DENND4C: variants seen among roughly 807,000 people sequenced by gnomAD.
DENND4C encodes the protein DENN domain containing 4C, also known as DENN domain-containing protein 4C.
DENND4C carries 108 observed loss-of-function variants against 203.0 expected under a neutral mutation model. The observed-to-expected ratio is 0.53, with a 90% CI of 0.46 to 0.62. The LOEUF (loss-of-function observed/expected upper bound fraction) is 0.62. DENND4C is among the 20% of genes least tolerant of loss of function. DENND4C has a pLI of 0.00. For synonymous variants in DENND4C, 871 were observed against 792.4 expected (o/e 1.10, Z -1.67); for missense variants, 2,481 against 2,301.2 (o/e 1.08, Z -1.60).
intron 30 of DENND4C, 82 bp downstream of exon 30, chr9:19,362,045 T>G (rs541050860): frequency 3.5e-5 from 27 of 764,404 alleles, no homozygotes; most frequent in African/African-American, 2.7e-4. Context: ...AGGCCTAGGC[T>G]GGCGGACCAC....
At chr9:19,250,537 TAACTC>T (rs1005995214) in intron 1 of DENND4C, among the ~76,000 whole-genome samples, 14 of 152,160 alleles carry the variant, frequency 9.2e-5, no homozygotes, top group African/African-American at 3.4e-4. Context: ...CCCAAAGTCT[TAACTC>T]ATTTTGACAT....
intron 1 of DENND4C, among the ~76,000 whole-genome samples, chr9:19,238,138 A>C (rs1429888195): frequency 6.7e-6 from 1 of 150,222 alleles, no homozygotes; most frequent in African/African-American, 2.5e-5. Flanking sequence ...GCTGGAGTGC[A>C]ATGGCGTGAT....
chr9:19,274,244 A>G (rs937172256), intron 1 of DENND4C, among the ~76,000 whole-genome samples: 5 of 152,008 alleles, frequency 3.3e-5, no homozygotes, highest in African/African-American at 1.2e-4. Flanking sequence ...TTGCCTGAGG[A>G]GGAGAAATAA....
chr9:19,306,561 T>C (rs545322231), intron 10 of DENND4C, among the ~76,000 whole-genome samples: 1 of 152,230 alleles, frequency 6.6e-6, no homozygotes, highest in East Asian at 1.9e-4. Flanking sequence ...AATGTATTCA[T>C]TGTGGTACTT....
At chr9:19,280,697 C>CT (rs35432447) in intron 2 of DENND4C, among the ~76,000 whole-genome samples, 43,809 of 148,020 alleles carry the variant, frequency 0.3, 6,473 homozygotes, top group East Asian at 0.44. Context: ...TTTTAGGCAT[C>CT]TTTTTTTTTT....
chr9:19,264,376 G>A (rs571002418), intron 1 of DENND4C, among the ~76,000 whole-genome samples: 4 of 151,698 alleles, frequency 2.6e-5, no homozygotes, highest in South Asian at 4.2e-4. Flanking sequence ...GCGCAATTTC[G>A]GCTCACTACA....
At chr9:19,369,183 A>G (rs1280361109) in intron 30 of DENND4C, among the ~76,000 whole-genome samples, 1 of 152,136 alleles carries the variant, frequency 6.6e-6, no homozygotes, top group East Asian at 1.9e-4. Context: ...AAAAAAAGTT[A>G]TGTACTAGAC....
At chr9:19,353,681 C>A (rs1420134988) in intron 26 of DENND4C, among the ~76,000 whole-genome samples, 1 of 151,758 alleles carries the variant, frequency 6.6e-6, no homozygotes, top group Non-Finnish European at 1.5e-5. Context: ...GCCTGTAATC[C>A]CAGTACTTTG....
intron 23 of DENND4C, among the ~76,000 whole-genome samples, 177 bp downstream of exon 23, chr9:19,347,263 T>G (rs1227087377): frequency 6.6e-6 from 1 of 152,216 alleles, no homozygotes; most frequent in East Asian, 1.9e-4. Context: ...CCTGAGTAGT[T>G]GGGTCTATAG....
At chr9:19,371,970 A>C in intron 32 of DENND4C, 67 bp from the exon 33 acceptor site, 3 of 1,519,360 alleles carry the variant, frequency 2.0e-6, no homozygotes, top group Non-Finnish European at 2.7e-6. Flanking sequence ...ACTCAATACC[A>C]ATTTGAAATG....
chr9:19,332,076 T>G lies in DENND4C; in HGVS notation c.2352T>G (p.Ile784Met). 2 of 1,614,130 alleles carry G rather than the reference T, an allele frequency of 1.2e-6. No individual in the cohort carries two copies. Among genetic ancestry groups the G allele is most frequent in the Non-Finnish European group, 1.7e-6 (2 of 1,179,996 alleles). ...GTCATTGTTACAGTTTATGGTTTATTTGTCTTCCGGCCTATGTTAGAGTTT... is the reference window on the plus strand; with the variant it reads ...GTCATTGTTACAGTTTATGGTTTATGTGTCTTCCGGCCTATGTTAGAGTTT... ...LFSHCYSLWFICLPAYVRVSH... is the reference protein window; with the variant it reads ...LFSHCYSLWFMCLPAYVRVSH... Residue 784 changes from isoleucine (I) to methionine (M), a missense_variant, in exon 17 of 33, where the codon ATT becomes ATG. Transcript: ENST00000434457.
chr9:19,274,885 C>G (rs541092024), intron 1 of DENND4C, among the ~76,000 whole-genome samples: 10 of 152,228 alleles, frequency 6.6e-5, no homozygotes, highest in Middle Eastern at 3.4e-3. Flanking sequence ...ACTCCTGTAA[C>G]TTAAAAGAGA....
In DENND4C at chr9:19,346,608, A is replaced by G. The variant is rs373581154; in HGVS notation, c.3839A>G (p.Asn1280Ser). 1.9e-5 allele frequency: 30 copies of G among 1,614,092 alleles called. No homozygotes were observed. Among genetic ancestry groups the G allele is most frequent in the Non-Finnish European group, 2.4e-5 (28 of 1,180,058 alleles). ...DKLFSPVIAR[N>S]LADEIESYMN... ...TTGTTTTCTCCAGTTATTGCACGTA[A>G]TCTGGCTGATGAAATAGAAAGCTAT... Residue 1280 changes from asparagine (N) to serine (S), a missense_variant, in exon 23 of 33, where the codon AAT becomes AGT. Coordinates refer to ENST00000434457, the MANE Select transcript of DENND4C (RefSeq NM_001330640.2).
At chr9:19,268,143 A>G (rs1445550459) in intron 1 of DENND4C, among the ~76,000 whole-genome samples, 1 of 150,460 alleles carries the variant, frequency 6.6e-6, no homozygotes, top group African/African-American at 2.4e-5. Flanking sequence ...TCTGTCGCCC[A>G]TGCTGGAGTG....
In DENND4C at chr9:19,350,736, G is replaced by C; in HGVS notation, c.4352G>C (p.Gly1451Ala). Reference sequence around the variant, plus strand: ...AATAGAGACTACAGCTTCCCAGCTGGCCTAGAAGACCATATTTTGGGGGAG... The same window carrying C: ...AATAGAGACTACAGCTTCCCAGCTGCCCTAGAAGACCATATTTTGGGGGAG... The part of the protein sequence containing the change: ...ETNRDYSFPA[G>A]LEDHILGENI... Residue 1451 changes from glycine to alanine, a missense_variant, in exon 24 of 33, where the codon GGC (glycine) becomes GCC (alanine). Gly to Ala is a moderately conservative substitution (Grantham distance 60). This residue lies in a region of DENND4C where 2,289 missense variants were observed against 2,113.3 expected (regional missense o/e 1.08). Coordinates refer to ENST00000434457, the MANE Select transcript of DENND4C (RefSeq NM_001330640.2). 1 of 1,613,716 alleles carries C rather than the reference G, an allele frequency of 6.2e-7. No individual in the cohort carries two copies. The highest frequency in any genetic ancestry group is 8.5e-7 in the Non-Finnish European group (1 of 1,179,930).
chr9:19,356,280 TATTGACAATTTTTTTATTTTGAGATAA>T (rs1588979794), intron 26 of DENND4C, among the ~76,000 whole-genome samples: 1 of 152,172 alleles, frequency 6.6e-6, no homozygotes, highest in African/African-American at 2.4e-5. Context: ...GTTCAGTATT[TATTGACAATTTTTTTATTTTGAGATAA>T]ATTGATATAC....
intron 2 of DENND4C, among the ~76,000 whole-genome samples, chr9:19,282,574 AAT>A (rs1834295434): frequency 6.7e-6 from 1 of 148,278 alleles, no homozygotes; most frequent in African/African-American, 2.5e-5. Flanking sequence ...AAAAAAAAAA[AAT>A]AATGGGGTCT....
In DENND4C at chr9:19,336,380, G is replaced by C. The variant is rs1588946453; in HGVS notation, c.2700G>C (p.Lys900Asn). ...GLAQFRQPLK[K>N]TVQRSQVSSI... The stretch of plus-strand genomic sequence containing the variant: ...CACAGTTTAGGCAGCCGCTTAAAAA[G>C]ACTGTGCAAAGGTCACAGGTCTCCT... The change falls in exon 19 of 33, where the codon AAG becomes AAC. Residue 900 changes from lysine to asparagine, a missense_variant. Lys to Asn is a moderately conservative substitution (Grantham distance 94). This residue lies in a region of DENND4C where 2,289 missense variants were observed against 2,113.3 expected (regional missense o/e 1.08). Coordinates refer to ENST00000434457, the MANE Select transcript of DENND4C (RefSeq NM_001330640.2). The C allele has an allele frequency of 1.2e-6, 2 of 1,613,956 alleles. No individual in the cohort carries two copies. The highest frequency in any genetic ancestry group is 4.5e-5 in the East Asian group (2 of 44,866).
At position 19,352,489 on chromosome 9, in the gene DENND4C, G is replaced by C; in HGVS notation, c.4606-1G>C. ...CAGTGTCTGCATTTTTCTGTTTTTA[G>C]GTTTTGATGTCCAGTTGTTCACAGT... is the stretch of plus-strand genomic sequence containing the variant. On this transcript the variant is annotated splice_acceptor_variant, in intron 25 of 32. Coordinates refer to ENST00000434457, the MANE Select transcript of DENND4C (RefSeq NM_001330640.2). LOFTEE classifies it high-confidence loss of function. 1 of 1,562,026 alleles carries C rather than the reference G, an allele frequency of 6.4e-7. No homozygotes were observed. The highest frequency in any genetic ancestry group is 8.7e-7 in the Non-Finnish European group (1 of 1,153,542).
Sources: gnomAD v4.1 joint callset for allele counts (sites outside exome capture counted in the v4.1 genomes callset) on GRCh38, gnomAD v4.1.1 for gene constraint, gnomAD v4.1.1 regional missense constraint, MANE v1.5 for transcripts, NCBI Gene and HGNC (gene_info 2026-07-23, HGNC 2026-07-21) for gene names.